IL1RAPL2: variants seen among roughly 807,000 people sequenced by gnomAD.
The protein encoded by IL1RAPL2 is interleukin 1 receptor accessory protein like 2, also known as X-linked interleukin-1 receptor accessory protein-like 2.
A neutral mutation model predicts 44.1 loss-of-function variants in IL1RAPL2; 3 were observed. The observed-to-expected ratio is 0.07, with a 90% CI of 0.03 to 0.18. The LOEUF (loss-of-function observed/expected upper bound fraction) is 0.18. Ranked by LOEUF, IL1RAPL2 falls within the 10% of genes least tolerant of loss-of-function variation. The pLI is 1.00. For missense variants in IL1RAPL2, 391 were observed against 496.4 expected, an observed-to-expected ratio of 0.79 and a Z score of 2.02; for synonymous variants, 181 against 178.8, an observed-to-expected ratio of 1.01 and a Z score of -0.10.
intron 2 of IL1RAPL2, among the ~76,000 whole-genome samples, chrX:105,103,467 T>G (rs1393272578): frequency 1.8e-5 from 2 of 111,928 alleles, no homozygotes; most frequent in Admixed American, 9.5e-5. Flanking sequence ...CAGAGAAGAC[T>G]AATTACATTG....
At chrX:105,717,566 T>C (rs921989242) in intron 7 of IL1RAPL2, 70 bp downstream of exon 7, 259 of 977,124 alleles carry the variant, frequency 2.7e-4, no homozygotes, top group Middle Eastern at 1.0e-3. Context: ...TAATTGCAAC[T>C]CCAAATCATT....
intron 2 of IL1RAPL2, among the ~76,000 whole-genome samples, chrX:105,115,550 C>A (rs993130567): frequency 8.9e-6 from 1 of 112,271 alleles, no homozygotes; most frequent in African/African-American, 3.2e-5. Context: ...AAACCCTGAG[C>A]TAGACACAGA....
chrX:105,269,384 A>T (rs1321893804), intron 5 of IL1RAPL2, among the ~76,000 whole-genome samples: 1 of 110,305 alleles, frequency 9.1e-6, no homozygotes, highest in East Asian at 2.8e-4. Flanking sequence ...GGGAACACAA[A>T]ATATATATTT....
chrX:105,486,701 AAAC>A (rs1242842306), intron 6 of IL1RAPL2, among the ~76,000 whole-genome samples: 1 of 108,067 alleles, frequency 9.3e-6, no homozygotes, highest in Non-Finnish European at 1.9e-5. Context: ...TTTGGTATGA[AAAC>A]AATTTATCCA....
chrX:104,838,847 CTTTTTTT>C (rs3086025), intron 2 of IL1RAPL2, among the ~76,000 whole-genome samples: 1 of 36,295 alleles, frequency 2.8e-5, no homozygotes, highest in Non-Finnish European at 5.5e-5. Flanking sequence ...TTCTTTCTTT[CTTTTTTT>C]TTTTTTTTTT....
At chrX:105,754,057 C>T (rs1176559144) in intron 9 of IL1RAPL2, among the ~76,000 whole-genome samples, 1 of 111,657 alleles carries the variant, frequency 9.0e-6, no homozygotes, top group African/African-American at 3.3e-5. Flanking sequence ...TTATAAATTA[C>T]CTTTTGGTCA....
intron 5 of IL1RAPL2, among the ~76,000 whole-genome samples, chrX:105,475,440 C>T (rs1280899453): frequency 9.0e-6 from 1 of 110,990 alleles, no homozygotes; most frequent in Non-Finnish European, 1.9e-5. Context: ...GATCTTTAAG[C>T]AAGGTAAAAA....
rs779962571 is a variant in IL1RAPL2 at position 105,128,175 on chromosome X, GCTT to G, written c.83-67295_83-67293del. The stretch of plus-strand genomic sequence containing the variant: ...TGATCCTCCTTTTTTATGTCCCTGG[GCTT>G]CTTCCTGCCAGGTTTTGCTGAAATA... On this transcript the variant is annotated intron_variant, in intron 2 of 10. Coordinates refer to ENST00000372582, the MANE Select transcript of IL1RAPL2 (RefSeq NM_017416.2). Among the ~76,000 whole-genome samples, 3 of 110,439 alleles carry G rather than the reference GCTT, an allele frequency of 2.7e-5. No homozygotes were observed. The South Asian group carries it at 1.1e-3, about 42-fold the overall frequency.
chrX:105,647,796 G>C (rs1002888964), intron 6 of IL1RAPL2, among the ~76,000 whole-genome samples: 4 of 112,347 alleles, frequency 3.6e-5, no homozygotes, highest in Admixed American at 2.8e-4. Flanking sequence ...GCTCTGCCAG[G>C]CTCCTTTGTC....
chrX:105,181,790 C>T (rs1231036024), intron 2 of IL1RAPL2, among the ~76,000 whole-genome samples: 1 of 111,161 alleles, frequency 9.0e-6, no homozygotes, highest in African/African-American at 3.3e-5. Context: ...TCTGGCTGGG[C>T]GCAGTGGCTC....
At chrX:104,894,143 C>T (rs181538119) in intron 2 of IL1RAPL2, among the ~76,000 whole-genome samples, 54 of 111,931 alleles carry the variant, frequency 4.8e-4, no homozygotes, top group Non-Finnish European at 8.1e-4. Flanking sequence ...TAGTTTCTGC[C>T]GAGACATCCG....
At chrX:105,759,104 G>C (rs761168443) in intron 10 of IL1RAPL2, among the ~76,000 whole-genome samples, 1 of 111,555 alleles carries the variant, frequency 9.0e-6, no homozygotes, top group South Asian at 3.8e-4. Context: ...TTATGCTTTT[G>C]GGCCTATCTT....
chrX:105,044,103 T>G (rs185594037), intron 2 of IL1RAPL2, among the ~76,000 whole-genome samples: 168 of 111,482 alleles, frequency 1.5e-3, no homozygotes, highest in African/African-American at 5.3e-3. Flanking sequence ...AACACTTGTA[T>G]AAAGCCTGGA....
intron 5 of IL1RAPL2, among the ~76,000 whole-genome samples, chrX:105,288,018 T>TAGA (rs1363575355): frequency 9.0e-6 from 1 of 111,288 alleles, no homozygotes; most frequent in East Asian, 2.8e-4. Flanking sequence ...AAGAGTGCTA[T>TAGA]GGAAGCCCAG....
chrX:104,688,947 C>G (rs906574306), intron 2 of IL1RAPL2, among the ~76,000 whole-genome samples: 1 of 110,926 alleles, frequency 9.0e-6, no homozygotes, highest in Non-Finnish European at 1.9e-5. Flanking sequence ...CTGTTGTTTC[C>G]CAATTAGCCA....
At chrX:104,789,081 T>C (rs1053457813) in intron 2 of IL1RAPL2, among the ~76,000 whole-genome samples, 4 of 112,482 alleles carry the variant, frequency 3.6e-5, no homozygotes, top group Non-Finnish European at 7.5e-5. Flanking sequence ...AGACACCTTT[T>C]CCAATCTCAC....
At chrX:105,535,489 C>T (rs2036670702) in intron 6 of IL1RAPL2, among the ~76,000 whole-genome samples, 1 of 111,992 alleles carries the variant, frequency 8.9e-6, no homozygotes, top group Admixed American at 9.5e-5. Flanking sequence ...CTTAGGTTCA[C>T]ACATAAACAC....
intron 2 of IL1RAPL2, among the ~76,000 whole-genome samples, chrX:104,737,066 C>T (rs1178228268): frequency 1.8e-5 from 2 of 112,500 alleles, no homozygotes; most frequent in East Asian, 5.6e-4. Context: ...GTTGAATCAA[C>T]GTCATCCAGA....
intron 6 of IL1RAPL2, among the ~76,000 whole-genome samples, chrX:105,545,555 G>A (rs764585586): frequency 1.2e-4 from 14 of 112,096 alleles, no homozygotes; most frequent in African/African-American, 4.5e-4. Context: ...CGAGAATTGG[G>A]CTGAGTGCAA....
Sources: gnomAD v4.1 joint callset for allele counts (sites outside exome capture counted in the v4.1 genomes callset) on GRCh38, gnomAD v4.1.1 for gene constraint, MANE v1.5 for transcripts, NCBI Gene and HGNC (gene_info 2026-07-23, HGNC 2026-07-21) for gene names.